Variants in ZUP1 observed in about 807,000 individuals in gnomAD.
The protein encoded by ZUP1 is zinc finger containing ubiquitin peptidase 1.
Under a neutral mutation model 68.1 loss-of-function variants are expected in ZUP1, and 55 were observed. The ratio of observed to expected loss-of-function variants is 0.81; its 90% CI spans 0.65 to 1.01. ZUP1 has a LOEUF of 1.01. Ranked by LOEUF, ZUP1 falls within the 50% of genes least tolerant of loss-of-function variation. The probability of loss-of-function intolerance (pLI) is 0.00; values close to 1 mark genes in which losing one functional copy is unlikely to be tolerated. For synonymous variants in ZUP1, 223 were observed against 221.5 expected (o/e 1.01, Z -0.06); for missense variants, 684 against 674.9 (o/e 1.01, Z -0.15).
intron 5 of ZUP1, among the ~76,000 whole-genome samples, chr6:116,653,590 T>C (rs989535679): frequency 3.3e-5 from 5 of 152,122 alleles, no homozygotes; most frequent in African/African-American, 9.6e-5. Context: ...TTAGAAAGAC[T>C]TGAATTCAAG....
chr6:116,667,168 C>A lies in ZUP1; in HGVS notation c.25G>T (p.Glu9Ter). Residue 9 changes from glutamate to a stop codon, truncating the protein, a stop_gained, in exon 2 of 10, where the codon GAA becomes TAA. Coordinates refer to ENST00000368576, the MANE Select transcript of ZUP1 (RefSeq NM_145062.3). LOFTEE classifies it high-confidence loss of function. MLSCNICG[E>*]TVTSEPDMKA... ...ATGTCTGGTTCTGAGGTTACTGTTT[C>A]ACCACAAATATTACAGGAAAGCATG... is the stretch of plus-strand genomic sequence containing the variant. 1 of 1,591,372 alleles carries A rather than the reference C, an allele frequency of 6.3e-7. No individual in the cohort carries two copies. Among genetic ancestry groups the A allele is most frequent in the South Asian group, 1.1e-5 (1 of 87,422 alleles).
chr6:116,645,080 AG>A (rs1319395156), intron 9 of ZUP1, among the ~76,000 whole-genome samples: 3 of 152,040 alleles, frequency 2.0e-5, no homozygotes, highest in Non-Finnish European at 4.4e-5. Flanking sequence ...AGCTTTATTA[AG>A]TTTTAATTAA....
chr6:116,662,190 T>G lies in ZUP1; in HGVS notation c.560-1344A>C, dbSNP rs185061619. ...GGTATACAGCTTCCATAAGTAATGC[T>G]GGCGGATGTAAGAGAAGTCTTTCAG... On this transcript the variant is annotated intron_variant, in intron 2 of 9. Transcript: ENST00000368576. Among the ~76,000 whole-genome samples the G allele has an allele frequency of 3.9e-5, 6 of 152,336 alleles. No individual in the cohort carries two copies. The East Asian group carries it at 1.2e-3, about 29-fold the overall frequency.
intron 2 of ZUP1, among the ~76,000 whole-genome samples, chr6:116,663,516 A>G (rs1776905741): frequency 6.6e-6 from 1 of 152,238 alleles, no homozygotes. Flanking sequence ...ATGTTGTGTC[A>G]GCAAAGGATT....
intron 9 of ZUP1, among the ~76,000 whole-genome samples, chr6:116,640,959 A>G (rs1300669861): frequency 6.7e-6 from 1 of 149,062 alleles, no homozygotes; most frequent in East Asian, 1.9e-4. Context: ...ACGTGCAGAG[A>G]CACACATAGG....
intron 7 of ZUP1, among the ~76,000 whole-genome samples, chr6:116,647,926 T>A (rs2115392583): frequency 6.6e-6 from 1 of 152,320 alleles, no homozygotes; most frequent in African/African-American, 2.4e-5. Context: ...AAAATCTCCA[T>A]GAATAGTAAA....
At chr6:116,643,181 T>TA (rs1776178463) in intron 9 of ZUP1, among the ~76,000 whole-genome samples, 1 of 151,968 alleles carries the variant, frequency 6.6e-6, no homozygotes, top group African/African-American at 2.4e-5. Context: ...CTCAATGAAA[T>TA]AAAAGAGGAT....
chr6:116,664,885 C>T (rs1229876295), intron 2 of ZUP1, among the ~76,000 whole-genome samples: 1 of 150,946 alleles, frequency 6.6e-6, no homozygotes, highest in Admixed American at 6.6e-5. Context: ...TACAGACACA[C>T]ACACACACAC....
chr6:116,666,741 T>C lies in ZUP1; in HGVS notation c.452A>G (p.Tyr151Cys), dbSNP rs766459356. 2 of 1,613,830 alleles carry C rather than the reference T, an allele frequency of 1.2e-6. No homozygotes were observed. ...ACAGAATGGACATTCAGGAGGACTG[T>C]ATGTTGTTTCATAAACAGATCCTTT... ...EIKGSVYETTYSPPECPFCGK... is the reference protein window; with the variant it reads ...EIKGSVYETTCSPPECPFCGK... Residue 151 changes from tyrosine (Y) to cysteine (C), a missense_variant, in exon 2 of 10, where the codon TAC becomes TGC. Physicochemically the swap from Tyr to Cys is radical, Grantham distance 194. Transcript: ENST00000368576.
rs142491987 is a variant in ZUP1, at chr6:116,656,686, G to A, written c.959C>T (p.Ser320Phe). Residue 320 changes from serine to phenylalanine, a missense_variant and splice_region_variant, in exon 5 of 10, where the codon TCC becomes TTC. Transcript: ENST00000368576. ...GACTCTGATGTTTAAATACTCACCG[G>A]AAGTTTTTGTTTTTCCATCGTCAAA... ...LGFDDGKTKT[S>F]GIIEALHRYY... 1 of 1,608,328 alleles carries A rather than the reference G, an allele frequency of 6.2e-7. No individual in the cohort carries two copies. Among genetic ancestry groups the A allele is most frequent in the African/African-American group, 1.3e-5 (1 of 74,552 alleles).
At chr6:116,640,950 C>T (rs376653405) in intron 9 of ZUP1, among the ~76,000 whole-genome samples, 5 of 147,506 alleles carry the variant, frequency 3.4e-5, no homozygotes, top group African/African-American at 7.6e-5. Context: ...ACCCATCTCA[C>T]GTGCAGAGAC....
At chr6:116,660,905 T>C (rs1776817340) in intron 2 of ZUP1, 59 bp from the exon 3 acceptor site, 2 of 279,528 alleles carry the variant, frequency 7.2e-6, no homozygotes, top group Admixed American at 1.3e-4. Flanking sequence ...TTTTCTTTGC[T>C]TTTTTTTTTT....
Position 116,667,059 on chromosome 6 carries a change from C to G in ZUP1, c.134G>C (p.Cys45Ser), listed in dbSNP as rs1777035953. 6.2e-7 allele frequency: 1 copy of G among 1,613,660 alleles called. No individual in the cohort carries two copies. The highest frequency in any genetic ancestry group is 8.5e-7 in the Non-Finnish European group (1 of 1,179,858). Reference sequence around the variant, plus strand: ...AAAATGAGCTGTTTCGATATGAAAACACATTTCATCATAATTCACACCTGA... The same window carrying G: ...AAAATGAGCTGTTTCGATATGAAAAGACATTTCATCATAATTCACACCTGA... Reference protein sequence around the residue: ...KLSGVNYDEMCFHIETAHFEQ... With the variant: ...KLSGVNYDEMSFHIETAHFEQ... Residue 45 changes from cysteine (C) to serine (S), a missense_variant, in exon 2 of 10, where the codon TGT becomes TCT. Transcript: ENST00000368576.
intron 9 of ZUP1, among the ~76,000 whole-genome samples, chr6:116,637,993 G>A (rs1357953595): frequency 6.6e-6 from 1 of 150,434 alleles, no homozygotes; most frequent in Non-Finnish European, 1.5e-5. Context: ...ACTGGGGAGG[G>A]AGGCAGAGGT....
At chr6:116,641,759 C>G (rs973822455) in intron 9 of ZUP1, among the ~76,000 whole-genome samples, 1 of 152,012 alleles carries the variant, frequency 6.6e-6, no homozygotes, top group African/African-American at 2.4e-5. Flanking sequence ...AATTGACACC[C>G]TAACATCACA....
rs145748757 is a variant in ZUP1 at position 116,662,193 on chromosome 6, C to T, written c.560-1347G>A. 6.7e-4 allele frequency among the ~76,000 whole-genome samples: 102 copies of T among 152,202 alleles called. 1 individual carries two copies. The East Asian group carries it at 0.017, about 25-fold the overall frequency. On this transcript the variant is annotated intron_variant, in intron 2 of 9. Transcript: ENST00000368576. Reference sequence around the variant, plus strand: ...ATACAGCTTCCATAAGTAATGCTGGCGGATGTAAGAGAAGTCTTTCAGCCA... The same window carrying T: ...ATACAGCTTCCATAAGTAATGCTGGTGGATGTAAGAGAAGTCTTTCAGCCA...
intron 7 of ZUP1, among the ~76,000 whole-genome samples, chr6:116,651,203 T>A (rs1776479411): frequency 6.6e-6 from 1 of 152,196 alleles, no homozygotes; most frequent in South Asian, 2.1e-4. Flanking sequence ...CACAATTGTA[T>A]AATAAAATCT....
chr6:116,655,731 G>A (rs1022794119), intron 5 of ZUP1, among the ~76,000 whole-genome samples: 9 of 152,210 alleles, frequency 5.9e-5, no homozygotes, highest in Admixed American at 1.3e-4. Flanking sequence ...CAAAGTCACT[G>A]TAACTTCTCT....
At chr6:116,651,465 G>A in intron 7 of ZUP1, 107 bp downstream of exon 7, 1 of 906,314 alleles carries the variant, frequency 1.1e-6, no homozygotes, top group Non-Finnish European at 1.6e-6. Flanking sequence ...TTAATTTAGT[G>A]CTACTTAATT....
Sources: allele counts gnomAD v4.1 joint callset (sites outside exome capture counted in the v4.1 genomes callset), GRCh38; gene constraint gnomAD v4.1.1; transcripts MANE v1.5; gene names NCBI Gene and HGNC (gene_info 2026-07-23, HGNC 2026-07-21).